GRIK2: variants seen among roughly 807,000 people sequenced by gnomAD.
GRIK2 encodes glutamate receptor ionotropic, kainate 2.
A neutral mutation model predicts 100.3 loss-of-function variants in GRIK2; 32 were observed. That is an observed-to-expected ratio of 0.32 (90% confidence interval 0.24 to 0.43). The LOEUF is 0.43. Among genes scored for constraint, GRIK2 ranks in the 20% least tolerant of loss-of-function variants. GRIK2 has a pLI of 1.00. For synonymous variants in GRIK2, 417 were observed against 389.4 expected (o/e 1.07, Z -0.83); for missense variants, 843 against 1,114.9 (o/e 0.76, Z 3.47).
At chr6:102,009,165 T>C (rs557844710) in intron 14 of GRIK2, among the ~76,000 whole-genome samples, 5 of 152,224 alleles carry the variant, frequency 3.3e-5, no homozygotes, top group Non-Finnish European at 5.9e-5. Flanking sequence ...AACACATAAA[T>C]TGAAAAATAA....
intron 2 of GRIK2, among the ~76,000 whole-genome samples, chr6:101,563,617 A>G (rs1218353411): frequency 6.6e-6 from 1 of 152,216 alleles, no homozygotes. Context: ...TCTGAATTTT[A>G]AGTGAGATTT....
At chr6:101,813,056 T>TATATAGC (rs1193331061) in intron 9 of GRIK2, among the ~76,000 whole-genome samples, 1 of 152,070 alleles carries the variant, frequency 6.6e-6, no homozygotes, top group Non-Finnish European at 1.5e-5. Flanking sequence ...AACATATACA[T>TATATAGC]AAATGCTATG....
intron 9 of GRIK2, among the ~76,000 whole-genome samples, chr6:101,807,790 T>A (rs1562403685): frequency 6.6e-6 from 1 of 152,112 alleles, no homozygotes; most frequent in East Asian, 1.9e-4. Context: ...TGAGATTGTG[T>A]TTGGCTTCCT....
chr6:101,575,005 C>A (rs1309936226), intron 2 of GRIK2, among the ~76,000 whole-genome samples: 1 of 151,588 alleles, frequency 6.6e-6, no homozygotes, highest in East Asian at 1.9e-4. Flanking sequence ...ATATGTTGCA[C>A]CTACTAAAAG....
chr6:101,761,966 T>C (rs1214862868), intron 7 of GRIK2, among the ~76,000 whole-genome samples: 1 of 78,582 alleles, frequency 1.3e-5, no homozygotes, highest in Non-Finnish European at 2.1e-5. Context: ...CTTCCTTTCC[T>C]TTCCCCTCCC....
chr6:101,870,626 T>C (rs1333356998), intron 11 of GRIK2, among the ~76,000 whole-genome samples: 1 of 151,836 alleles, frequency 6.6e-6, no homozygotes, highest in African/African-American at 2.4e-5. Flanking sequence ...TACCCTTTTT[T>C]TCTTTCCACA....
chr6:102,009,018 A>G lies in GRIK2; in HGVS notation c.2086-26323A>G, dbSNP rs371930354. ...CAAATTACTTAAAATTAACATCAAA[A>G]AGTATTATTGGTATAAGTTAATTGA... On this transcript the variant is annotated intron_variant, in intron 14 of 16. Transcript: ENST00000369134. Among the ~76,000 whole-genome samples, 7 of 152,056 alleles carry G rather than the reference A, an allele frequency of 4.6e-5. No individual in the cohort carries two copies. The East Asian group carries it at 5.8e-4, about 13-fold the overall frequency.
chr6:101,576,729 A>G (rs1015800335), intron 2 of GRIK2, among the ~76,000 whole-genome samples: 2 of 152,086 alleles, frequency 1.3e-5, no homozygotes, highest in Non-Finnish European at 2.9e-5. Flanking sequence ...GCATATATGT[A>G]TTACTTTTCT....
rs904937804 is a variant in GRIK2, at chr6:101,503,497, G to A, written c.115+104105G>A. 9.9e-5 allele frequency among the ~76,000 whole-genome samples: 15 copies of A among 152,100 alleles called. No individual in the cohort carries two copies. In the East Asian group the frequency reaches 1.2e-3, roughly 12 times the overall value. ...ACATCCCAGCTTCAAGTGATTAACC[G>A]AAAAAAGCAAATCAATTCCATTCCT... is the stretch of plus-strand genomic sequence containing the variant. On this transcript the variant is annotated intron_variant, in intron 2 of 16. Transcript: ENST00000369134.
At chr6:101,654,403 T>C (rs149529001) in intron 4 of GRIK2, among the ~76,000 whole-genome samples, 1 of 152,304 alleles carries the variant, frequency 6.6e-6, no homozygotes, top group African/African-American at 2.4e-5. Context: ...GATTAGTTCT[T>C]CTGATGTCTG....
chr6:101,888,043 T>A (rs1786778276), intron 11 of GRIK2, among the ~76,000 whole-genome samples: 1 of 152,184 alleles, frequency 6.6e-6, no homozygotes, highest in South Asian at 2.1e-4. Flanking sequence ...AAATACTCCC[T>A]CTGTCTGCAC....
intron 7 of GRIK2, among the ~76,000 whole-genome samples, chr6:101,756,549 G>A (rs1311526952): frequency 2.7e-5 from 4 of 146,768 alleles, no homozygotes; most frequent in African/African-American, 1.0e-4. Flanking sequence ...CCTAAGCAAA[G>A]CCTTCATGCC....
intron 2 of GRIK2, among the ~76,000 whole-genome samples, chr6:101,498,202 A>C (rs1246509050): frequency 4.0e-5 from 6 of 150,326 alleles, no homozygotes; most frequent in Non-Finnish European, 7.4e-5. Context: ...TGAACTCATC[A>C]TTTTTTATGG....
At chr6:101,929,088 C>G (rs890112721) in intron 14 of GRIK2, among the ~76,000 whole-genome samples, 1 of 152,032 alleles carries the variant, frequency 6.6e-6, no homozygotes, top group African/African-American at 2.4e-5. Context: ...AGAGACAGTC[C>G]TTATTATCTA....
intron 12 of GRIK2, among the ~76,000 whole-genome samples, chr6:101,898,211 C>T (rs1171329154): frequency 6.6e-6 from 1 of 151,578 alleles, no homozygotes; most frequent in East Asian, 1.9e-4. Context: ...TTGTTGAATG[C>T]TGTTATTGTA....
intron 7 of GRIK2, among the ~76,000 whole-genome samples, chr6:101,736,417 A>G (rs559367968): frequency 5.9e-5 from 9 of 152,270 alleles, no homozygotes; most frequent in African/African-American, 2.2e-4. Context: ...CTGCTTGGGC[A>G]TCCAGGTGTT....
intron 14 of GRIK2, among the ~76,000 whole-genome samples, chr6:101,946,914 C>T (rs940855251): frequency 1.3e-5 from 2 of 152,050 alleles, no homozygotes; most frequent in African/African-American, 4.8e-5. Flanking sequence ...AATTTCTACC[C>T]TCCCACAGAG....
chr6:101,652,978 G>A (rs188906427), intron 4 of GRIK2, among the ~76,000 whole-genome samples: 1 of 152,174 alleles, frequency 6.6e-6, no homozygotes, highest in African/African-American at 2.4e-5. Flanking sequence ...ACAGATGTGG[G>A]GAGTGCATTG....
intron 7 of GRIK2, among the ~76,000 whole-genome samples, chr6:101,706,101 T>C (rs543170785): frequency 6.6e-6 from 1 of 152,034 alleles, no homozygotes; most frequent in East Asian, 1.9e-4. Context: ...TTGATTTTTG[T>C]TATTAGTTCA....
Sources: allele counts gnomAD v4.1 joint callset (sites outside exome capture counted in the v4.1 genomes callset), GRCh38; gene constraint gnomAD v4.1.1; transcripts MANE v1.5; gene names NCBI Gene and HGNC (gene_info 2026-07-23, HGNC 2026-07-21).